Variants in SMAD2 observed in about 807,000 individuals in gnomAD.
SMAD2 encodes the protein SMAD family member 2.
A neutral mutation model predicts 64.4 loss-of-function variants in SMAD2; 8 were observed. That is an observed-to-expected ratio of 0.12 (90% CI 0.07 to 0.22). The LOEUF (loss-of-function observed/expected upper bound fraction) is 0.22. Ranked by LOEUF, SMAD2 falls within the 10% of genes least tolerant of loss-of-function variation. The pLI is 1.00. For synonymous variants in SMAD2, 203 were observed against 195.8 expected, an observed-to-expected ratio of 1.04 and a Z score of -0.31; for missense variants, 289 against 561.2, an observed-to-expected ratio of 0.51 and a Z score of 4.90.
intron 1 of SMAD2, chr18:47,922,523 A>C (rs1474608063): frequency 6.6e-6 from 1 of 152,244 alleles, no homozygotes; most frequent in African/African-American, 2.4e-5. Flanking sequence ...TAACAATAAA[A>C]TGTGCATAAA....
intron 2 of SMAD2, among the ~76,000 whole-genome samples, chr18:47,891,460 C>T (rs960514044): frequency 4.6e-5 from 7 of 151,460 alleles, no homozygotes; most frequent in African/African-American, 9.7e-5. Context: ...ATTTTTCCAC[C>T]GTATAATCAT....
intron 6 of SMAD2, among the ~76,000 whole-genome samples, chr18:47,862,396 T>C (rs1045086499): frequency 2.0e-5 from 3 of 152,330 alleles, no homozygotes; most frequent in African/African-American, 7.2e-5. Flanking sequence ...AGCAAAGCCA[T>C]GCTCTCTCAA....
intron 8 of SMAD2, 43 bp downstream of exon 8, chr18:47,848,432 G>A (rs2144298978): frequency 7.2e-7 from 1 of 1,393,180 alleles, no homozygotes; most frequent in Non-Finnish European, 1.0e-6. Flanking sequence ...TACATTATGA[G>A]TATACAGCAT....
At position 47,838,155 on chromosome 18, in the gene SMAD2, T is replaced by TA. The variant is rs1468837044; in HGVS notation, c.*3671dup. ...TGTTTTACCTTCAAAGTCTTAGTCT[T>TA]AAATTGACAAGGGCACAAAAAAAGT... On this transcript the variant is annotated 3_prime_UTR_variant, in exon 11 of 11. Transcript: ENST00000262160. 1 of 232,888 alleles carries TA rather than the reference T, an allele frequency of 4.3e-6. No homozygotes were observed. Among genetic ancestry groups the TA allele is most frequent in the Non-Finnish European group, 8.5e-6 (1 of 117,664 alleles). The allele number at this position is 232,888 out of a possible 1,614,324, so 14.4% of individuals were successfully genotyped here.
intron 6 of SMAD2, among the ~76,000 whole-genome samples, chr18:47,851,775 G>A (rs1229584241): frequency 2.6e-5 from 4 of 151,972 alleles, no homozygotes; most frequent in East Asian, 1.9e-4. Flanking sequence ...ATAACATCGC[G>A]ATCCCACATT....
At chr18:47,927,656 T>C (rs1210836322) in intron 1 of SMAD2, among the ~76,000 whole-genome samples, 1 of 152,184 alleles carries the variant, frequency 6.6e-6, no homozygotes, top group African/African-American at 2.4e-5. Flanking sequence ...TCCCAGCACT[T>C]TGGGAGGCCG....
chr18:47,842,828 A>C (rs574556939), intron 10 of SMAD2, among the ~76,000 whole-genome samples: 3 of 152,246 alleles, frequency 2.0e-5, no homozygotes, highest in African/African-American at 7.2e-5. Context: ...GCTTCAACAA[A>C]AGGGGCAACT....
chr18:47,870,418 A>G, intron 3 of SMAD2, 57 bp downstream of exon 3: 1 of 1,332,630 alleles, frequency 7.5e-7, no homozygotes, highest in African/African-American at 1.4e-5. Flanking sequence ...TAGGTCTTTC[A>G]AAATATACCC....
At chr18:47,867,984 T>C (rs1568063431) in intron 5 of SMAD2, among the ~76,000 whole-genome samples, 1 of 152,200 alleles carries the variant, frequency 6.6e-6, no homozygotes, top group East Asian at 1.9e-4. Flanking sequence ...GGGGTACTTT[T>C]CTCCTACACC....
rs1463510851 is a variant in SMAD2, at chr18:47,912,270, G to A, written c.-53-15461C>T. 4 of 152,194 alleles carry A rather than the reference G, an allele frequency of 2.6e-5. 1 individual carries two copies. The South Asian group carries it at 6.2e-4, about 24-fold the overall frequency. The allele number at this position is 152,194 out of a possible 1,614,324, so 9.4% of individuals were successfully genotyped here. A position where few individuals can be genotyped will look rare whatever the true frequency, so the allele number is the denominator to read the frequency against. On this transcript the variant is annotated intron_variant, in intron 1 of 10. Coordinates refer to ENST00000262160, the MANE Select transcript of SMAD2 (RefSeq NM_005901.6). The stretch of plus-strand genomic sequence containing the variant: ...AGACAGAAATTACTGCTAATGATAG[G>A]AGTATTACTTCATTTATTCCAGTGA...
At chr18:47,863,888 C>T (rs2031370477) in intron 6 of SMAD2, among the ~76,000 whole-genome samples, 1 of 152,032 alleles carries the variant, frequency 6.6e-6, no homozygotes, top group African/African-American at 2.4e-5. Context: ...TTTAACATTC[C>T]TACTAGCGAT....
intron 7 of SMAD2, among the ~76,000 whole-genome samples, chr18:47,849,890 C>A (rs1324801118): frequency 6.6e-6 from 1 of 151,526 alleles, no homozygotes; most frequent in Non-Finnish European, 1.5e-5. Context: ...CACCTGTAGT[C>A]CCAGCTACTC....
At chr18:47,849,068 G>C (rs1568038430) in intron 7 of SMAD2, among the ~76,000 whole-genome samples, 1 of 151,952 alleles carries the variant, frequency 6.6e-6, no homozygotes, top group African/African-American at 2.4e-5. Flanking sequence ...GCTAAAGTGG[G>C]GTAAGATAAA....
At chr18:47,909,859 G>C (rs1427628091) in intron 1 of SMAD2, among the ~76,000 whole-genome samples, 1 of 152,128 alleles carries the variant, frequency 6.6e-6, no homozygotes, top group African/African-American at 2.4e-5. Flanking sequence ...ATATGTCAAA[G>C]TGATCTACTT....
chr18:47,897,730 C>T (rs765160498), intron 1 of SMAD2, among the ~76,000 whole-genome samples: 4 of 152,080 alleles, frequency 2.6e-5, no homozygotes, highest in Non-Finnish European at 5.9e-5. Flanking sequence ...TTCTAGACTC[C>T]ACTACTGATA....
chr18:47,903,948 G>A (rs2033800632), intron 1 of SMAD2, among the ~76,000 whole-genome samples: 1 of 148,508 alleles, frequency 6.7e-6, no homozygotes, highest in Admixed American at 6.8e-5. Flanking sequence ...AGAGAAAGAT[G>A]AAAGACAATG....
chr18:47,899,123 AG>A (rs1395041747), intron 1 of SMAD2, among the ~76,000 whole-genome samples: 2 of 152,196 alleles, frequency 1.3e-5, no homozygotes, highest in African/African-American at 4.8e-5. Context: ...GGGACATAGA[AG>A]GAACAGAGTT....
rs2144290931 is a variant in SMAD2, at chr18:47,845,775, T to C, written c.1023A>G (p.Ile341Met). The C allele has an allele frequency of 6.2e-7, 1 of 1,613,842 alleles. No individual in the cohort carries two copies. The highest frequency in any genetic ancestry group is 8.5e-7 in the Non-Finnish European group (1 of 1,179,756). Residue 341 changes from isoleucine to methionine, a missense_variant, in exon 9 of 11, where the codon ATA becomes ATG. Coordinates refer to ENST00000262160, the MANE Select transcript of SMAD2 (RefSeq NM_005901.6). ...GGCACTCAGCAAAAACTTCCCCACC[T>C]ATGTAGTATAAGCGCACTCCTCTTC... The part of the protein sequence containing the change: ...HIGRGVRLYY[I>M]GGEVFAECLS...
intron 1 of SMAD2, among the ~76,000 whole-genome samples, chr18:47,900,837 T>C (rs1040311887): frequency 6.6e-6 from 1 of 152,162 alleles, no homozygotes; most frequent in Non-Finnish European, 1.5e-5. Flanking sequence ...AATTCTTATT[T>C]TAAGTCATAT....
Sources: gnomAD v4.1 joint callset for allele counts (sites outside exome capture counted in the v4.1 genomes callset) on GRCh38, gnomAD v4.1.1 for gene constraint, MANE v1.5 for transcripts, NCBI Gene and HGNC (gene_info 2026-07-23, HGNC 2026-07-21) for gene names.